Variants in RELCH observed in about 807,000 individuals in gnomAD.
RELCH encodes RAB11 binding and LisH domain, coiled-coil and HEAT repeat containing, also known as RAB11-binding protein RELCH.
Under a neutral mutation model 150.3 loss-of-function variants are expected in RELCH, and 41 were observed. The ratio of observed to expected loss-of-function variants is 0.27; its 90% CI spans 0.21 to 0.35. The LOEUF (loss-of-function observed/expected upper bound fraction) is 0.35, where lower values mean the gene tolerates loss of function less well. Ranked by LOEUF, RELCH falls within the 10% of genes least tolerant of loss-of-function variation. The probability of loss-of-function intolerance (pLI) is 1.00; values close to 1 mark genes in which losing one functional copy is unlikely to be tolerated. For synonymous variants in RELCH, 478 were observed against 531.8 expected (o/e 0.90, Z 1.39); for missense variants, 1,092 against 1,467.8 (o/e 0.74, Z 4.18).
chr18:62,261,682 A>G (rs749422077), intron 16 of RELCH, 24 bp downstream of exon 16: 1 of 1,589,480 alleles, frequency 6.3e-7, no homozygotes, highest in Middle Eastern at 1.7e-4. Flanking sequence ...ATTCTGGAAG[A>G]AAAATGTAGA....
rs558363155 is a variant in RELCH, at chr18:62,309,094, G to C, written c.*3560G>C. The C allele has an allele frequency of 1.3e-5, 2 of 151,962 alleles. No homozygotes were observed. The highest frequency in any genetic ancestry group is 4.8e-5 in the African/African-American group (2 of 41,358). The allele number at this position is 151,962 out of a possible 1,614,324, so 9.4% of individuals were successfully genotyped here. A position where few individuals can be genotyped will look rare whatever the true frequency, so the allele number is the denominator to read the frequency against. Reference sequence around the variant, plus strand: ...CTCTACTAAAAATACAAAATTAGCCGGGTATGGTGGCGCACACCTGTAATC... The same window carrying C: ...CTCTACTAAAAATACAAAATTAGCCCGGTATGGTGGCGCACACCTGTAATC... On this transcript the variant is annotated 3_prime_UTR_variant, in exon 29 of 29. Coordinates refer to ENST00000644646, the MANE Select transcript of RELCH (RefSeq NM_001346231.2).
At chr18:62,252,448 G>A (rs531113634) in intron 11 of RELCH, among the ~76,000 whole-genome samples, 53 of 152,164 alleles carry the variant, frequency 3.5e-4, no homozygotes, top group African/African-American at 1.1e-3. Context: ...GAGCCTGGGA[G>A]GTGGAGGTTG....
intron 13 of RELCH, among the ~76,000 whole-genome samples, chr18:62,257,678 T>C (rs1170724697): frequency 6.6e-6 from 1 of 151,944 alleles, no homozygotes; most frequent in Non-Finnish European, 1.5e-5. Flanking sequence ...AGATGATTAA[T>C]AAATACCAAA....
intron 15 of RELCH, among the ~76,000 whole-genome samples, chr18:62,259,707 G>GA (rs2043163080): frequency 6.6e-6 from 1 of 151,852 alleles, no homozygotes; most frequent in African/African-American, 2.4e-5. Context: ...AACAAATCTG[G>GA]AAAAAGTGCA....
chr18:62,287,220 G>A (rs927909729), intron 25 of RELCH, 131 bp from the exon 26 acceptor site: 15 of 613,424 alleles, frequency 2.4e-5, no homozygotes, highest in Non-Finnish European at 4.3e-5. Context: ...TAAGATATGG[G>A]TAATCTTTTG....
Position 62,298,836 on chromosome 18 carries a change from AC to A in RELCH, c.3507del (p.Asn1169LysfsTer17). 6.3e-7 allele frequency: 1 copy of A among 1,591,336 alleles called. No individual in the cohort carries two copies. The highest frequency in any genetic ancestry group is 1.1e-5 in the South Asian group (1 of 88,354). ...MIKECEQKVENKTVQEPQGSM... is the reference protein window; with the variant it reads ...MIKECEQKVEXKTVQEPQGSM... ...AAAGAATGTGAACAAAAAGTTGAAA[AC>A]AAGACCGTCCAAGAGCCTCAAGGGT... On this transcript the variant is annotated frameshift_variant, in exon 28 of 29. Transcript: ENST00000644646. LOFTEE classifies it high-confidence loss of function.
chr18:62,189,088 A>G (rs1055065485), intron 1 of RELCH, among the ~76,000 whole-genome samples: 2 of 152,108 alleles, frequency 1.3e-5, no homozygotes, highest in African/African-American at 4.8e-5. Context: ...GTGAATCTTA[A>G]ATATATTTCC....
chr18:62,192,704 A>T (rs2038737346), intron 1 of RELCH, among the ~76,000 whole-genome samples: 1 of 152,098 alleles, frequency 6.6e-6, no homozygotes, highest in African/African-American at 2.4e-5. Context: ...GTAAGTATCC[A>T]GTCTTATTTC....
chr18:62,269,621 G>T, intron 20 of RELCH: 1 of 184,926 alleles, frequency 5.4e-6, no homozygotes, highest in East Asian at 1.5e-4. Flanking sequence ...TGGACAATCT[G>T]GTTGGTTGGC....
chr18:62,200,246 C>A (rs553180152), intron 1 of RELCH, among the ~76,000 whole-genome samples: 6 of 152,226 alleles, frequency 3.9e-5, no homozygotes, highest in Non-Finnish European at 8.8e-5. Flanking sequence ...TAAAGTAAGC[C>A]AATTGTATTA....
At chr18:62,209,601 CT>C (rs1568316546) in intron 1 of RELCH, among the ~76,000 whole-genome samples, 1 of 147,844 alleles carries the variant, frequency 6.8e-6, no homozygotes, top group African/African-American at 2.5e-5. Flanking sequence ...TATTCTGAGA[CT>C]TTTTTGTTTC....
rs547927886 is a variant in RELCH at position 62,187,345 on chromosome 18, G to C, written c.-161G>C. 2 of 573,718 alleles carry C rather than the reference G, an allele frequency of 3.5e-6. No homozygotes were observed. The highest frequency in any genetic ancestry group is 3.7e-5 in the African/African-American group (2 of 53,398). 35.5% of individuals were successfully genotyped at this position (573,718 alleles called of 1,614,324 possible). On this transcript the variant is annotated 5_prime_UTR_variant, in exon 1 of 29. Transcript: ENST00000644646. ...GAGGCATCAGGTGCAGCTGCATCCG[G>C]ATCTCCTGCCTTGGAGCGTACTCCT...
At chr18:62,240,268 A>T (rs1405724190) in intron 10 of RELCH, among the ~76,000 whole-genome samples, 1 of 151,886 alleles carries the variant, frequency 6.6e-6, no homozygotes, top group Non-Finnish European at 1.5e-5. Context: ...CTCCATCCCC[A>T]ATTGTTTTCA....
chr18:62,299,382 A>C (rs1029024241), intron 28 of RELCH, among the ~76,000 whole-genome samples: 3 of 152,202 alleles, frequency 2.0e-5, no homozygotes, highest in African/African-American at 7.2e-5. Context: ...TTTACAAATG[A>C]GCTGTACGTA....
chr18:62,224,578 A>T (rs2041094826), intron 5 of RELCH, among the ~76,000 whole-genome samples: 1 of 152,160 alleles, frequency 6.6e-6, no homozygotes, highest in Non-Finnish European at 1.5e-5. Flanking sequence ...GGTTGTAGGA[A>T]ACAAGGTAAG....
chr18:62,219,047 G>C (rs1453298333), intron 2 of RELCH, among the ~76,000 whole-genome samples: 1 of 151,814 alleles, frequency 6.6e-6, no homozygotes, highest in Non-Finnish European at 1.5e-5. Context: ...ATACGCCTTT[G>C]TCTTTTAAAG....
intron 2 of RELCH, among the ~76,000 whole-genome samples, chr18:62,216,668 A>G (rs2040495172): frequency 6.6e-6 from 1 of 152,106 alleles, no homozygotes; most frequent in Non-Finnish European, 1.5e-5. Flanking sequence ...TCAATAGTAC[A>G]GACATATGAA....
Position 62,308,186 on chromosome 18 carries a change from G to A in RELCH, c.*2652G>A, listed in dbSNP as rs2045928684. On this transcript the variant is annotated 3_prime_UTR_variant, in exon 29 of 29. Transcript: ENST00000644646. ...TTAAAATTTAGAGAGGTGAGATCAG[G>A]ATGTATTGAATTGTCTTTTCATCAT... is the stretch of plus-strand genomic sequence containing the variant. 1 of 152,126 alleles carries A rather than the reference G, an allele frequency of 6.6e-6. No homozygotes were observed. Among genetic ancestry groups the A allele is most frequent in the Admixed American group, 6.5e-5 (1 of 15,278 alleles). 9.4% of individuals were successfully genotyped at this position (152,126 alleles called of 1,614,324 possible).
At chr18:62,212,986 GA>G (rs548781244) in intron 2 of RELCH, among the ~76,000 whole-genome samples, 33 of 152,282 alleles carry the variant, frequency 2.2e-4, no homozygotes, top group Non-Finnish European at 3.4e-4. Flanking sequence ...GAAATCACTA[GA>G]ATAGTTTAAT....
Sources: gnomAD v4.1 joint callset for allele counts (sites outside exome capture counted in the v4.1 genomes callset) on GRCh38, gnomAD v4.1.1 for gene constraint, MANE v1.5 for transcripts, NCBI Gene and HGNC (gene_info 2026-07-23, HGNC 2026-07-21) for gene names.